The following REXO1 variants were observed in gnomAD, a reference collection of about 807,000 sequenced individuals.
The protein encoded by REXO1 is RNA exonuclease 1 homolog.
A neutral mutation model predicts 102.6 loss-of-function variants in REXO1; 42 were observed. The ratio of observed to expected loss-of-function variants is 0.41; its 90% CI spans 0.32 to 0.53. The LOEUF (loss-of-function observed/expected upper bound fraction) is 0.53, where lower values mean the gene tolerates loss of function less well. Ranked by LOEUF, REXO1 falls within the 20% of genes least tolerant of loss-of-function variation. The probability of loss-of-function intolerance (pLI) is 0.27; values close to 1 mark genes in which losing one functional copy is unlikely to be tolerated. For missense variants in REXO1, 1,819 were observed against 1,732.5 expected (o/e 1.05, Z -0.89); for synonymous variants, 908 against 779.1 (o/e 1.17, Z -2.76).
rs764124394 is a variant in REXO1, at chr19:1,828,366, G to T, written c.423C>A (p.Asp141Glu). ...CGAAGGCCAGTGGGAAGGCATCCTC[G>T]TCCGGGCCCACAGTGGGGCTGGCGT... Reference protein sequence around the residue: ...GPNASPTVGPDEDAFPLAFDY... With the variant: ...GPNASPTVGPEEDAFPLAFDY... The change falls in exon 2 of 16, where the codon GAC (aspartate) becomes GAA (glutamate). Residue 141 changes from aspartate to glutamate, a missense_variant. Physicochemically the swap from Asp to Glu is conservative, Grantham distance 45. Transcript: ENST00000170168. The T allele has an allele frequency of 8.7e-6, 14 of 1,609,288 alleles. No individual in the cohort carries two copies. The highest frequency in any genetic ancestry group is 1.0e-5 in the Non-Finnish European group (12 of 1,178,136).
At chr19:1,845,932 G>A (rs1174786049) in intron 1 of REXO1, among the ~76,000 whole-genome samples, 3 of 152,182 alleles carry the variant, frequency 2.0e-5, no homozygotes, top group Admixed American at 2.0e-4. Context: ...GTGGTAGTAT[G>A]GGCAAAACAC....
chr19:1,821,043 A>C (rs146719234), intron 5 of REXO1, among the ~76,000 whole-genome samples: 164 of 148,276 alleles, frequency 1.1e-3, no homozygotes, highest in African/African-American at 3.8e-3. Flanking sequence ...AAACAAGACA[A>C]AACAAAAAAA....
At chr19:1,829,591 C>T (rs1292063061) in intron 1 of REXO1, among the ~76,000 whole-genome samples, 1 of 152,102 alleles carries the variant, frequency 6.6e-6, no homozygotes, top group Non-Finnish European at 1.5e-5. Flanking sequence ...GGCGGATCAC[C>T]TGAGGTCGGG....
rs750010285 is a variant in REXO1, at chr19:1,825,940, G to T, written c.1915C>A (p.Pro639Thr). 1.9e-6 allele frequency: 3 copies of T among 1,609,870 alleles called. No homozygotes were observed. Among genetic ancestry groups the T allele is most frequent in the Non-Finnish European group, 2.6e-6 (3 of 1,176,448 alleles). Residue 639 changes from proline (P) to threonine (T), a missense_variant, in exon 3 of 16, where the codon CCC becomes ACC. Coordinates refer to ENST00000170168, the MANE Select transcript of REXO1 (RefSeq NM_020695.4). ...EDRGRLARQP[P>T]KEEKSEEKGL... ...TTCTCCTCACTCTTCTCTTCCTTGG[G>T]GGGCTAAGACACATGTCCGTCCGTC...
intron 1 of REXO1, among the ~76,000 whole-genome samples, chr19:1,833,828 C>A (rs1379607763): frequency 3.3e-5 from 5 of 152,224 alleles, no homozygotes; most frequent in Non-Finnish European, 2.9e-5. Flanking sequence ...GCCACTGTGG[C>A]GTGAGCTGCA....
chr19:1,817,832 C>G, intron 10 of REXO1, 52 bp from the exon 11 acceptor site: 2 of 1,486,882 alleles, frequency 1.3e-6, no homozygotes. Context: ...CACTCCACAG[C>G]CCCCGGGGCA....
rs778149407 is a variant in REXO1 at position 1,827,583 on chromosome 19, C to T, written c.1206G>A (p.Lys402=). The T allele has an allele frequency of 1.9e-6, 3 of 1,593,298 alleles. No homozygotes were observed. Among genetic ancestry groups the T allele is most frequent in the Non-Finnish European group, 2.6e-6 (3 of 1,176,204 alleles). ...GCTTCTCCACAGGCCGCCCTCGGCC[C>T]TTGTCCTTGGTCTTGTCCTTCCCCT... is the stretch of plus-strand genomic sequence containing the variant. ...GAQGKDKTKD[K]GRGRPVEKPR... is the part of the protein sequence containing the mutation. Residue 402 remains lysine, a synonymous_variant, in exon 2 of 16, where the codon AAG becomes AAA. Coordinates refer to ENST00000170168, the MANE Select transcript of REXO1 (RefSeq NM_020695.4).
intron 12 of REXO1, 114 bp downstream of exon 12, chr19:1,817,105 G>A (rs553592740): frequency 2.3e-6 from 3 of 1,304,292 alleles, no homozygotes; most frequent in Admixed American, 2.3e-5. Flanking sequence ...TGCTGCGAGA[G>A]AAACCCTGAG....
chr19:1,841,515 G>T (rs146379293), intron 1 of REXO1, among the ~76,000 whole-genome samples: 15 of 152,370 alleles, frequency 9.8e-5, no homozygotes, highest in Non-Finnish European at 1.6e-4. Context: ...GGCCGAGGGA[G>T]GTTCAGGAGG....
At chr19:1,831,952 C>T (rs1487021260) in intron 1 of REXO1, among the ~76,000 whole-genome samples, 1 of 151,780 alleles carries the variant, frequency 6.6e-6, no homozygotes, top group African/African-American at 2.4e-5. Context: ...ACAAAAGCCT[C>T]CCCAGGTAAG....
At chr19:1,816,945 G>A in intron 12 of REXO1, 132 bp from the exon 13 acceptor site, 1 of 757,892 alleles carries the variant, frequency 1.3e-6, no homozygotes, top group Admixed American at 2.4e-5. Flanking sequence ...ACTTCTAGGA[G>A]AGGCCGAGTG....
intron 1 of REXO1, among the ~76,000 whole-genome samples, chr19:1,838,955 A>G (rs912992348): frequency 6.6e-6 from 1 of 151,416 alleles, no homozygotes; most frequent in Admixed American, 6.6e-5. Flanking sequence ...TGTGTCTACT[A>G]AAAATACAAA....
chr19:1,840,987 C>T (rs913822672), intron 1 of REXO1, among the ~76,000 whole-genome samples: 4 of 152,248 alleles, frequency 2.6e-5, no homozygotes, highest in Admixed American at 6.5e-5. Flanking sequence ...GCTCCAGGCA[C>T]GCAGCCTGTC....
Position 1,827,365 on chromosome 19 carries a change from C to T in REXO1, c.1424G>A (p.Arg475His), listed in dbSNP as rs754479622. Residue 475 changes from arginine (R) to histidine (H), a missense_variant, in exon 2 of 16, where the codon CGC becomes CAC. By Grantham distance (29) the Arg-to-His change is conservative. Transcript: ENST00000170168. The stretch of plus-strand genomic sequence containing the variant: ...CTTCCTGTCGGGCAGCTGGAGGGGG[C>T]GGGGTGGGCCTCTGCCGGCCGCCGG... ...SRPAAGRGPP[R>H]PLQLPDRKST... 24 of 1,534,298 alleles carry T rather than the reference C, an allele frequency of 1.6e-5. No individual in the cohort carries two copies. Among genetic ancestry groups the T allele is most frequent in the South Asian group, 4.7e-5 (4 of 85,140 alleles).
Position 1,827,473 on chromosome 19 carries a change from G to A in REXO1, c.1316C>T (p.Ser439Leu), listed in dbSNP as rs1275635518. Residue 439 changes from serine (S) to leucine (L), a missense_variant, in exon 2 of 16, where the codon TCG becomes TTG. Transcript: ENST00000170168. ...RPEGTKKKPS[S>L]ATPVATSGKG... ...CCCTGAGGTGGCCACAGGAGTGGCC[G>A]AAGATGGCTTCTTCTTGGTCCCTTC... 8.3e-6 allele frequency: 13 copies of A among 1,572,736 alleles called. No individual in the cohort carries two copies. The highest frequency in any genetic ancestry group is 2.0e-5 in the Admixed American group (1 of 49,302).
At chr19:1,838,620 G>A (rs1206407333) in intron 1 of REXO1, among the ~76,000 whole-genome samples, 1 of 150,434 alleles carries the variant, frequency 6.6e-6, no homozygotes, top group Non-Finnish European at 1.5e-5. Context: ...AGCCGAGATC[G>A]TGACATTGCT....
intron 3 of REXO1, among the ~76,000 whole-genome samples, chr19:1,824,837 G>A (rs752172791): frequency 3.3e-5 from 5 of 152,062 alleles, no homozygotes; most frequent in Non-Finnish European, 7.3e-5. Flanking sequence ...CCAGGCTGGA[G>A]CGCAATGGCA....
chr19:1,825,299 CAAAAAAAA>C (rs34910037), intron 3 of REXO1, among the ~76,000 whole-genome samples: 1 of 61,196 alleles, frequency 1.6e-5, no homozygotes, highest in Non-Finnish European at 2.7e-5. Context: ...GACTCCGTCT[CAAAAAAAA>C]AAAAAAAAAA....
At position 1,816,010 on chromosome 19, in the gene REXO1, C is replaced by A. The variant is rs1350891984; in HGVS notation, c.*56G>T. 2 of 1,537,892 alleles carry A rather than the reference C, an allele frequency of 1.3e-6. No homozygotes were observed. Among genetic ancestry groups the A allele is most frequent in the East Asian group, 4.9e-5 (2 of 40,954 alleles). ...ATTTATTGCACTGTTTTGGAAGAGG[C>A]ATGGGGCTAAGGACCAGCGGGACGG... On this transcript the variant is annotated 3_prime_UTR_variant, in exon 16 of 16. Transcript: ENST00000170168.
Sources: gnomAD v4.1 joint callset for allele counts (sites outside exome capture counted in the v4.1 genomes callset) on GRCh38, gnomAD v4.1.1 for gene constraint, MANE v1.5 for transcripts, NCBI Gene and HGNC (gene_info 2026-07-23, HGNC 2026-07-21) for gene names.